SLC35F3: variants seen among roughly 807,000 people sequenced by gnomAD.
The protein encoded by SLC35F3 is putative thiamine transporter SLC35F3.
Under a neutral mutation model 49.9 loss-of-function variants are expected in SLC35F3, and 25 were observed. The observed-to-expected ratio is 0.50, with a 90% CI of 0.37 to 0.70. SLC35F3 has a LOEUF of 0.70. Ranked by LOEUF, SLC35F3 falls within the 30% of genes least tolerant of loss-of-function variation. The pLI is 0.00. For synonymous variants in SLC35F3, 275 were observed against 265.4 expected, an observed-to-expected ratio of 1.04 and a Z score of -0.35; for missense variants, 525 against 639.8, an observed-to-expected ratio of 0.82 and a Z score of 1.94.
chr1:234,126,477 A>ATG (rs111609229), intron 2 of SLC35F3, among the ~76,000 whole-genome samples: 22 of 151,164 alleles, frequency 1.5e-4, no homozygotes, highest in Admixed American at 4.6e-4. Flanking sequence ...CCTGTTTTAC[A>ATG]TGTGTGTGTG....
intron 2 of SLC35F3, among the ~76,000 whole-genome samples, chr1:234,140,158 G>A (rs1268120600): frequency 1.3e-5 from 2 of 151,556 alleles, no homozygotes; most frequent in Non-Finnish European, 2.9e-5. Context: ...AGATCCTCTC[G>A]CACTACTCAG....
chr1:234,197,715 G>T (rs563448764), intron 2 of SLC35F3, among the ~76,000 whole-genome samples: 1 of 152,346 alleles, frequency 6.6e-6, no homozygotes, highest in Admixed American at 6.5e-5. Flanking sequence ...TCCCCACGGA[G>T]GGCTGCAGTC....
At chr1:234,118,951 A>G (rs1194038891) in intron 2 of SLC35F3, among the ~76,000 whole-genome samples, 2 of 150,462 alleles carry the variant, frequency 1.3e-5, no homozygotes, top group African/African-American at 4.9e-5. Context: ...CTAAAAATGG[A>G]GCTAAGTTGG....
chr1:234,124,218 A>C (rs1365229948), intron 2 of SLC35F3, among the ~76,000 whole-genome samples: 1 of 152,224 alleles, frequency 6.6e-6, no homozygotes, highest in Non-Finnish European at 1.5e-5. Flanking sequence ...GTGCTCTCCT[A>C]GCCAGTTCCC....
intron 2 of SLC35F3, among the ~76,000 whole-genome samples, chr1:233,915,895 C>T (rs1045911929): frequency 3.3e-5 from 5 of 152,298 alleles, no homozygotes; most frequent in South Asian, 2.1e-4. Flanking sequence ...AATTATCTCC[C>T]GCCAGGTCCC....
At chr1:234,183,600 G>A (rs971112643) in intron 2 of SLC35F3, among the ~76,000 whole-genome samples, 3 of 142,658 alleles carry the variant, frequency 2.1e-5, no homozygotes, top group Non-Finnish European at 3.0e-5. Flanking sequence ...TTCATTAAAC[G>A]ATACTGTGTC....
intron 4 of SLC35F3, among the ~76,000 whole-genome samples, chr1:234,310,085 C>A (rs1425464954): frequency 6.6e-6 from 1 of 152,182 alleles, no homozygotes; most frequent in African/African-American, 2.4e-5. Flanking sequence ...GGTGAAGTTT[C>A]AAAGCACAGG....
At chr1:234,064,056 G>A (rs1664581530) in intron 2 of SLC35F3, among the ~76,000 whole-genome samples, 1 of 152,166 alleles carries the variant, frequency 6.6e-6, no homozygotes, top group African/African-American at 2.4e-5. Context: ...GCATGTCTGT[G>A]GAGCCCCTCC....
chr1:234,031,614 A>G (rs929044929), intron 2 of SLC35F3, among the ~76,000 whole-genome samples: 3 of 152,134 alleles, frequency 2.0e-5, no homozygotes, highest in African/African-American at 4.8e-5. Context: ...GCGTGATCAT[A>G]GCTCACTGCA....
At chr1:233,923,198 G>T (rs1445039043) in intron 2 of SLC35F3, among the ~76,000 whole-genome samples, 1 of 152,180 alleles carries the variant, frequency 6.6e-6, no homozygotes, top group Non-Finnish European at 1.5e-5. Context: ...GTCATTGGTA[G>T]CTTGATGGGT....
chr1:234,161,648 A>T (rs1274816696), intron 2 of SLC35F3, among the ~76,000 whole-genome samples: 1 of 152,048 alleles, frequency 6.6e-6, no homozygotes, highest in African/African-American at 2.4e-5. Context: ...AAAAATACGT[A>T]TATAAAACTT....
intron 2 of SLC35F3, among the ~76,000 whole-genome samples, chr1:233,949,620 G>C (rs1662570484): frequency 6.6e-6 from 1 of 152,206 alleles, no homozygotes; most frequent in South Asian, 2.1e-4. Context: ...CAGAGCACTT[G>C]AGAAGCGTGC....
At chr1:234,133,251 AG>A in intron 2 of SLC35F3, among the ~76,000 whole-genome samples, 1 of 152,346 alleles carries the variant, frequency 6.6e-6, no homozygotes, top group South Asian at 2.1e-4. Flanking sequence ...TTTTCCCCAA[AG>A]AATAATTATC....
chr1:234,266,873 GTTTTTTTTTT>G (rs34040004), intron 3 of SLC35F3, among the ~76,000 whole-genome samples: 1 of 108,646 alleles, frequency 9.2e-6, no homozygotes, highest in South Asian at 3.5e-4. Context: ...GAAGCACATG[GTTTTTTTTTT>G]TTTTTTTTTT....
chr1:234,271,448 T>G (rs1572127364), intron 3 of SLC35F3, among the ~76,000 whole-genome samples: 1 of 152,344 alleles, frequency 6.6e-6, no homozygotes, highest in African/African-American at 2.4e-5. Flanking sequence ...ACAGAATTAT[T>G]AGTAAATGTC....
chr1:234,207,388 A>ATCCTTCCTTCCTCCCTCC (rs1666986264), intron 2 of SLC35F3, among the ~76,000 whole-genome samples: 2 of 4,230 alleles, frequency 4.7e-4, no homozygotes, highest in Non-Finnish European at 5.3e-4. Flanking sequence ...TTTTCCTTCC[A>ATCCTTCCTTCCTCCCTCC]TCCTTCCTTC....
intron 3 of SLC35F3, among the ~76,000 whole-genome samples, chr1:234,266,138 CTT>C (rs1259346237): frequency 6.6e-6 from 1 of 152,204 alleles, no homozygotes; most frequent in African/African-American, 2.4e-5. Context: ...AGGAGAGGGA[CTT>C]TGTTTTATTC....
At chr1:234,216,086 C>T (rs2102942520) in intron 2 of SLC35F3, among the ~76,000 whole-genome samples, 2 of 152,328 alleles carry the variant, frequency 1.3e-5, no homozygotes, top group South Asian at 2.1e-4. Context: ...GAGTTTAGTG[C>T]AAGTGCTACC....
intron 2 of SLC35F3, among the ~76,000 whole-genome samples, chr1:234,161,954 G>A (rs1279515907): frequency 6.6e-6 from 1 of 152,096 alleles, no homozygotes; most frequent in Admixed American, 6.6e-5. Flanking sequence ...AAGAGATACT[G>A]CAGCCTAACC....
Sources: gnomAD v4.1 joint callset for allele counts (sites outside exome capture counted in the v4.1 genomes callset) on GRCh38, gnomAD v4.1.1 for gene constraint, MANE v1.5 for transcripts, NCBI Gene and HGNC (gene_info 2026-07-23, HGNC 2026-07-21) for gene names.